The following TPRG1 variants were observed in gnomAD, a reference collection of about 807,000 sequenced individuals.
TPRG1 encodes the protein tumor protein p63 regulated 1.
In TPRG1, 29 loss-of-function variants were observed where a neutral mutation model predicts 29.3. The ratio of observed to expected loss-of-function variants is 0.99; its 90% CI spans 0.74 to 1.35. The LOEUF (loss-of-function observed/expected upper bound fraction) is 1.35, where lower values mean the gene tolerates loss of function less well. Among genes scored for constraint, TPRG1 ranks in the 40% most tolerant of loss-of-function variants. The pLI, the probability that TPRG1 is intolerant of heterozygous loss-of-function variation, is 0.00. For missense variants in TPRG1, 327 were observed against 335.0 expected, an observed-to-expected ratio of 0.98 and a Z score of 0.19; for synonymous variants, 130 against 116.8, an observed-to-expected ratio of 1.11 and a Z score of -0.73.
intron 3 of TPRG1, among the ~76,000 whole-genome samples, chr3:189,021,111 G>A (rs1163615062): frequency 1.4e-5 from 2 of 142,764 alleles, no homozygotes; most frequent in African/African-American, 5.2e-5. Flanking sequence ...CTTTTATTTT[G>A]AGCCTATGTG....
At position 189,001,371 on chromosome 3, in the gene TPRG1, G is replaced by A. The variant is rs527693804; in HGVS notation, c.-878+460G>A. 4.7e-4 allele frequency among the ~76,000 whole-genome samples: 71 copies of A among 152,248 alleles called. 3 individuals carry two copies. In the South Asian group the frequency reaches 0.014, roughly 30 times the overall value. ...CCCATAAACTGGGGGCTTACAAATA[G>A]CAAACATTTATTTCTGAAGGCTGGG... On this transcript the variant is annotated intron_variant, in intron 2 of 10. Coordinates refer to the TPRG1 transcript ENST00000433971.
chr3:189,170,731 G>T (rs1331736381), upstream of TPRG1, among the ~76,000 whole-genome samples: 3 of 152,116 alleles, frequency 2.0e-5, no homozygotes, highest in African/African-American at 4.8e-5. Flanking sequence ...TAAAAGGACT[G>T]TTTATTCATT....
At chr3:189,096,241 A>G (rs1029983548), upstream of TPRG1, among the ~76,000 whole-genome samples, 9 of 152,102 alleles carry the variant, frequency 5.9e-5, no homozygotes, top group African/African-American at 2.2e-4. Context: ...CCTGCTTGGG[A>G]GGCCCTAGTG....
intron 1 of TPRG1, among the ~76,000 whole-genome samples, chr3:189,110,500 C>T (rs1479094885): frequency 3.3e-5 from 5 of 152,020 alleles, no homozygotes; most frequent in Non-Finnish European, 5.9e-5. Flanking sequence ...TTTGTATTAT[C>T]TTCCTACTGG....
In TPRG1 at chr3:189,226,365, T is replaced by TA. The variant is rs546125380; in HGVS notation, c.302+10990dup. Among the ~76,000 whole-genome samples, 156 of 151,526 alleles carry TA rather than the reference T, an allele frequency of 1.0e-3. 1 individual carries two copies. The highest frequency in any genetic ancestry group is 3.4e-3 in the African/African-American group (140 of 41,312). On this transcript the variant is annotated intron_variant, in intron 3 of 5. Transcript: ENST00000345063. ...AATGAGTCAAACTAGAAATAAATAA[T>TA]AAAAAAAATAGAAAAATGTCCAAAC...
At chr3:189,191,702 C>A (rs1731717952) in intron 1 of TPRG1, among the ~76,000 whole-genome samples, 1 of 152,142 alleles carries the variant, frequency 6.6e-6, no homozygotes, top group South Asian at 2.1e-4. Context: ...TCAGTTACAG[C>A]CCCACAAGAT....
At chr3:189,072,048 C>G (rs1286295414) in intron 4 of TPRG1, among the ~76,000 whole-genome samples, 1 of 152,114 alleles carries the variant, frequency 6.6e-6, no homozygotes, top group African/African-American at 2.4e-5. Context: ...CCATACTGGG[C>G]CTTTGTCAGG....
intron 3 of TPRG1, among the ~76,000 whole-genome samples, chr3:189,218,978 G>A (rs1736516233): frequency 6.6e-6 from 1 of 152,182 alleles, no homozygotes; most frequent in Non-Finnish European, 1.5e-5. Flanking sequence ...TATCCCATAC[G>A]TGATGGGGAG....
chr3:189,274,935 AGTGT>A (rs57386934), intron 4 of TPRG1, among the ~76,000 whole-genome samples: 8,925 of 137,574 alleles, frequency 0.065, 265 homozygotes, highest in African/African-American at 0.083. Flanking sequence ...TAATGTAATG[AGTGT>A]GTGTGTGTGT....
At chr3:189,057,500 CT>C (rs67560129) in intron 4 of TPRG1, among the ~76,000 whole-genome samples, 1,913 of 134,158 alleles carry the variant, frequency 0.014, 25 homozygotes, top group African/African-American at 0.036. Context: ...GCCCTGATTG[CT>C]TTTTTTTTTT....
chr3:189,078,352 G>C (rs1324582340), intron 4 of TPRG1, among the ~76,000 whole-genome samples: 1 of 151,864 alleles, frequency 6.6e-6, no homozygotes, highest in South Asian at 2.1e-4. Flanking sequence ...TGTTCAGGCT[G>C]GTCTTGAACT....
At chr3:189,312,169 C>T (rs147054151) in intron 5 of TPRG1, among the ~76,000 whole-genome samples, 26 of 66,096 alleles carry the variant, frequency 3.9e-4, no homozygotes, top group East Asian at 1.0e-3. Context: ...TTCTTTCTTT[C>T]TTTCTTTCTT....
chr3:189,027,739 T>C (rs1444606021), intron 4 of TPRG1, among the ~76,000 whole-genome samples: 6 of 152,094 alleles, frequency 3.9e-5, no homozygotes, highest in Non-Finnish European at 8.8e-5. Flanking sequence ...TTTGTAAACA[T>C]AAGAAAGGAA....
intron 5 of TPRG1, among the ~76,000 whole-genome samples, chr3:189,161,977 T>C (rs1480976039): frequency 1.3e-5 from 2 of 152,026 alleles, no homozygotes; most frequent in African/African-American, 4.8e-5. Flanking sequence ...GGAAGGACTC[T>C]AGGAAGCGGG....
chr3:189,093,648 T>C (rs992295902), intron 4 of TPRG1, among the ~76,000 whole-genome samples: 2 of 152,206 alleles, frequency 1.3e-5, no homozygotes, highest in Non-Finnish European at 2.9e-5. Flanking sequence ...CTATTTCCTT[T>C]CATTTTCAGG....
intron 2 of TPRG1, among the ~76,000 whole-genome samples, chr3:189,129,302 G>C (rs1027859070): frequency 1.3e-5 from 2 of 152,046 alleles, no homozygotes; most frequent in African/African-American, 4.8e-5. Context: ...TTCAATTTTG[G>C]TTTTTCTGAT....
intron 4 of TPRG1, among the ~76,000 whole-genome samples, chr3:189,064,499 C>T (rs7628196): frequency 0.036 from 5,501 of 151,552 alleles, 326 homozygotes; most frequent in African/African-American, 0.13. Flanking sequence ...AAAATACATC[C>T]GAAGCAAGCA....
At position 189,310,465 on chromosome 3, in the gene TPRG1, A is replaced by G. The variant is rs773152795; in HGVS notation, c.559A>G (p.Thr187Ala). ...SLLSRWNPWS[T>A]EVPYATFTEH... is the part of the protein sequence containing the mutation. ...TCTGTCCCGCTGGAACCCATGGTCC[A>G]CTGAAGTTCCTTATGCTACTTTCAC... The change falls in exon 5 of 6, where the codon ACT (threonine) becomes GCT (alanine). Residue 187 changes from threonine to alanine, a missense_variant. Thr to Ala is a moderately conservative substitution (Grantham distance 58, BLOSUM62 0). Coordinates refer to ENST00000345063, the MANE Select transcript of TPRG1 (RefSeq NM_198485.4). 2.5e-6 allele frequency: 4 copies of G among 1,612,806 alleles called. No individual in the cohort carries two copies. Among genetic ancestry groups the G allele is most frequent in the South Asian group, 1.1e-5 (1 of 91,004 alleles).
At chr3:189,059,598 A>G (rs1016838444) in intron 4 of TPRG1, among the ~76,000 whole-genome samples, 1 of 152,028 alleles carries the variant, frequency 6.6e-6, no homozygotes, top group Non-Finnish European at 1.5e-5. Context: ...TCTTAAAAAA[A>G]CAAAAACAAA....
Sources: allele counts gnomAD v4.1 joint callset (sites outside exome capture counted in the v4.1 genomes callset), GRCh38; gene constraint gnomAD v4.1.1; transcripts MANE v1.5; gene names NCBI Gene and HGNC (gene_info 2026-07-23, HGNC 2026-07-21).